Variants in GLT1D1 observed in about 807,000 individuals in gnomAD.
GLT1D1 encodes glycosyltransferase 1 domain-containing protein 1.
In GLT1D1, 21 loss-of-function variants were observed where a neutral mutation model predicts 28.7. The observed-to-expected ratio is 0.73, with a 90% confidence interval of 0.52 to 1.05. The LOEUF is 1.05. Ranked by LOEUF, GLT1D1 falls within the 50% of genes least tolerant of loss-of-function variation. The pLI is 0.00. For missense variants in GLT1D1, 343 were observed against 330.6 expected, an observed-to-expected ratio of 1.04 and a Z score of -0.29; for synonymous variants, 147 against 124.8, an observed-to-expected ratio of 1.18 and a Z score of -1.19.
chr12:128,982,813 C>A, intron 7 of GLT1D1, 116 bp from the exon 12 acceptor site: 1 of 835,676 alleles, frequency 1.2e-6, no homozygotes, highest in Non-Finnish European at 2.0e-6. Context: ...TCTCTCCAGG[C>A]CCAGGAGGCA....
chr12:128,954,700 AAC>A (rs1877094064), intron 6 of GLT1D1, among the ~76,000 whole-genome samples: 1 of 152,212 alleles, frequency 6.6e-6, no homozygotes, highest in East Asian at 1.9e-4. Flanking sequence ...CTGTAATCCC[AAC>A]AGTTTGGGAG....
At chr12:128,882,484 C>T (rs1196425286) in intron 2 of GLT1D1, among the ~76,000 whole-genome samples, 4 of 151,864 alleles carry the variant, frequency 2.6e-5, no homozygotes, top group African/African-American at 7.3e-5. Flanking sequence ...ACTATGTTGG[C>T]GAGGCTAGTC....
At chr12:128,970,322 C>T (rs1233126902) in intron 7 of GLT1D1, among the ~76,000 whole-genome samples, 1 of 152,324 alleles carries the variant, frequency 6.6e-6, no homozygotes, top group East Asian at 1.9e-4. Context: ...CGCGCCCTCT[C>T]CCCTGAGCCC....
intron 1 of GLT1D1, among the ~76,000 whole-genome samples, chr12:128,859,106 C>T (rs1266584457): frequency 6.6e-6 from 1 of 152,212 alleles, no homozygotes; most frequent in Non-Finnish European, 1.5e-5. Context: ...GGCACATGTT[C>T]TCAGGACCTC....
At chr12:128,890,533 C>T (rs1868922028) in intron 3 of GLT1D1, among the ~76,000 whole-genome samples, 1 of 152,116 alleles carries the variant, frequency 6.6e-6, no homozygotes, top group Non-Finnish European at 1.5e-5. Context: ...CCTGTAATCC[C>T]AGCACTTTGG....
intron 2 of GLT1D1, among the ~76,000 whole-genome samples, chr12:128,885,692 T>C (rs530719958): frequency 6.6e-6 from 1 of 152,350 alleles, no homozygotes; most frequent in African/African-American, 2.4e-5. Flanking sequence ...CTTTGACATA[T>C]ATGAGTTATT....
chr12:128,941,793 C>T (rs574682518), intron 4 of GLT1D1, among the ~76,000 whole-genome samples: 4 of 150,742 alleles, frequency 2.7e-5, no homozygotes, highest in South Asian at 2.1e-4. Flanking sequence ...GGCCAGCAGG[C>T]GGGTCTCGAA....
At chr12:128,910,134 A>T (rs1315001871) in intron 4 of GLT1D1, among the ~76,000 whole-genome samples, 1 of 152,186 alleles carries the variant, frequency 6.6e-6, no homozygotes, top group Admixed American at 6.5e-5. Context: ...TGAAAATACC[A>T]TTTATGCAAC....
At chr12:128,872,287 C>T (rs996569915) in intron 1 of GLT1D1, among the ~76,000 whole-genome samples, 25 of 152,142 alleles carry the variant, frequency 1.6e-4, no homozygotes, top group African/African-American at 7.2e-5. Flanking sequence ...CATGTATGTG[C>T]TGATTTTGTA....
chr12:128,950,960 G>A (rs1231804889), intron 6 of GLT1D1, among the ~76,000 whole-genome samples: 8 of 152,190 alleles, frequency 5.3e-5, no homozygotes, highest in Non-Finnish European at 8.8e-5. Context: ...GATCTGTATT[G>A]CACGTCATGG....
intron 4 of GLT1D1, among the ~76,000 whole-genome samples, chr12:128,919,305 C>T (rs947504950): frequency 1.8e-4 from 28 of 152,146 alleles, no homozygotes; most frequent in Non-Finnish European, 3.8e-4. Context: ...GATCAGATAC[C>T]ATCTGCCTTC....
chr12:128,929,164 C>A (rs1352778046), intron 4 of GLT1D1, among the ~76,000 whole-genome samples: 1 of 152,234 alleles, frequency 6.6e-6, no homozygotes, highest in African/African-American at 2.4e-5. Flanking sequence ...AGACACCCAT[C>A]TTTCCCGCAC....
chr12:128,871,207 A>T (rs1400042292), intron 1 of GLT1D1, among the ~76,000 whole-genome samples: 1 of 152,168 alleles, frequency 6.6e-6, no homozygotes, highest in Admixed American at 6.5e-5. Flanking sequence ...TAAAATAGCA[A>T]TTATTCAACC....
intron 4 of GLT1D1, among the ~76,000 whole-genome samples, chr12:128,900,363 G>T (rs182359369): frequency 1.9e-3 from 285 of 152,336 alleles, no homozygotes; most frequent in Non-Finnish European, 3.1e-3. Context: ...TTATGGAATT[G>T]CAATTTGCAA....
chr12:128,864,120 T>C (rs1362273204), intron 1 of GLT1D1: 2 of 670,468 alleles, frequency 3.0e-6, no homozygotes, highest in Non-Finnish European at 5.4e-6. Flanking sequence ...TGATGCCAGC[T>C]CGGCTGGGGC....
intron 4 of GLT1D1, among the ~76,000 whole-genome samples, chr12:128,920,651 T>G (rs1480327019): frequency 6.6e-6 from 1 of 152,226 alleles, no homozygotes; most frequent in Non-Finnish European, 1.5e-5. Flanking sequence ...GGGTTTCTGT[T>G]CCTGAGCCCG....
intron 7 of GLT1D1, among the ~76,000 whole-genome samples, chr12:128,958,648 GC>G (rs1454922508): frequency 6.9e-6 from 1 of 145,818 alleles, no homozygotes; most frequent in Admixed American, 6.9e-5. Context: ...TACTCAGGAG[GC>G]CAAGGCAGGA....
At chr12:128,908,725 G>A (rs573681833) in intron 4 of GLT1D1, among the ~76,000 whole-genome samples, 1,812 of 151,912 alleles carry the variant, frequency 0.012, 29 homozygotes, top group African/African-American at 0.041. Context: ...CGAGGAGGGC[G>A]GATCACGAGG....
chr12:128,879,179 A>C (rs531865841), intron 2 of GLT1D1, among the ~76,000 whole-genome samples: 5 of 152,172 alleles, frequency 3.3e-5, no homozygotes, highest in Admixed American at 2.0e-4. Context: ...TCAGCAGTAC[A>C]TGTGCAGGAT....
Sources: allele counts gnomAD v4.1 joint callset (sites outside exome capture counted in the v4.1 genomes callset), GRCh38; gene constraint gnomAD v4.1.1; transcripts MANE v1.5; gene names NCBI Gene and HGNC (gene_info 2026-07-23, HGNC 2026-07-21).